Variants in CMC1 observed in about 807,000 individuals in gnomAD.
The protein encoded by CMC1 is C-X9-C motif containing 1, also known as COX assembly mitochondrial protein homolog.
Under a neutral mutation model 14.1 loss-of-function variants are expected in CMC1, and 14 were observed. The ratio of observed to expected loss-of-function variants is 0.99; its 90% CI spans 0.66 to 1.55. CMC1 has a LOEUF of 1.55. Among genes scored for constraint, CMC1 ranks in the 40% most tolerant of loss-of-function variants. CMC1 has a pLI of 0.00. For synonymous variants in CMC1, 50 were observed against 38.4 expected (o/e 1.30, Z -1.12); for missense variants, 127 against 123.8 (o/e 1.03, Z -0.12).
At chr3:28,284,534 C>G (rs1442726567) in intron 2 of CMC1, among the ~76,000 whole-genome samples, 2 of 152,100 alleles carry the variant, frequency 1.3e-5, no homozygotes, top group Admixed American at 6.5e-5. Context: ...CCAAAGCTTT[C>G]AAGGTGATTT....
intron 2 of CMC1, among the ~76,000 whole-genome samples, chr3:28,295,528 A>T (rs937212653): frequency 2.0e-5 from 3 of 152,018 alleles, no homozygotes; most frequent in Non-Finnish European, 4.4e-5. Flanking sequence ...TGAAAATGTA[A>T]CCTACTAGGT....
intron 2 of CMC1, among the ~76,000 whole-genome samples, chr3:28,282,747 G>T (rs1700964147): frequency 6.6e-6 from 1 of 151,984 alleles, no homozygotes; most frequent in Non-Finnish European, 1.5e-5. Context: ...ATGCATCCAC[G>T]AATGATCTGT....
At chr3:28,307,099 A>G (rs1305724359) in intron 2 of CMC1, among the ~76,000 whole-genome samples, 5 of 152,190 alleles carry the variant, frequency 3.3e-5, no homozygotes, top group African/African-American at 7.2e-5. Context: ...TGTCTTTAGC[A>G]TTTGGATCAA....
At chr3:28,275,610 C>T (rs980589336) in intron 2 of CMC1, among the ~76,000 whole-genome samples, 1 of 152,044 alleles carries the variant, frequency 6.6e-6, no homozygotes, top group African/African-American at 2.4e-5. Flanking sequence ...GATCAGGGAC[C>T]CATTTAACAA....
intron 1 of CMC1, among the ~76,000 whole-genome samples, chr3:28,247,814 A>G (rs138156936): frequency 2.2e-3 from 338 of 152,270 alleles, no homozygotes; most frequent in Middle Eastern, 3.4e-3. Context: ...AAGTTTGAAT[A>G]ACACTGGCTT....
At chr3:28,314,908 A>G (rs1240654083) in intron 2 of CMC1, 2 of 152,226 alleles carry the variant, frequency 1.3e-5, no homozygotes, top group African/African-American at 2.4e-5. Context: ...TATAATCCCA[A>G]GTACCTGGAA....
intron 2 of CMC1, among the ~76,000 whole-genome samples, chr3:28,305,427 C>T (rs1002628224): frequency 6.6e-6 from 1 of 152,098 alleles, no homozygotes; most frequent in Non-Finnish European, 1.5e-5. Flanking sequence ...ATTTCTTTTC[C>T]TTTGGGCAGC....
At chr3:28,283,640 T>G (rs1421948906) in intron 2 of CMC1, among the ~76,000 whole-genome samples, 2 of 152,184 alleles carry the variant, frequency 1.3e-5, no homozygotes, top group African/African-American at 4.8e-5. Flanking sequence ...TTAAGCCTAT[T>G]GGGTCCTTGA....
At chr3:28,249,811 A>AT (rs35965103) in intron 1 of CMC1, among the ~76,000 whole-genome samples, 10 of 151,964 alleles carry the variant, frequency 6.6e-5, no homozygotes, top group South Asian at 2.1e-4. Context: ...ATGTACATTA[A>AT]TTTTTTTTAC....
At chr3:28,263,402 A>G (rs766783807) in intron 2 of CMC1, 22 bp downstream of exon 2, 38 of 1,438,710 alleles carry the variant, frequency 2.6e-5, no homozygotes, top group Non-Finnish European at 3.5e-5. Context: ...ATATTCATGT[A>G]AAGATCAAAT....
At chr3:28,282,446 A>G (rs983403414) in intron 2 of CMC1, among the ~76,000 whole-genome samples, 3 of 152,240 alleles carry the variant, frequency 2.0e-5, no homozygotes, top group African/African-American at 7.2e-5. Flanking sequence ...CCTACGCATT[A>G]TTCCTTACCT....
intron 2 of CMC1, among the ~76,000 whole-genome samples, chr3:28,274,233 T>TTTTTTTTTTTG: frequency 6.7e-6 from 1 of 148,306 alleles, no homozygotes; most frequent in Non-Finnish European, 1.5e-5. Flanking sequence ...TTTTTTTTTT[T>TTTTTTTTTTTG]TTGCAGTGGC....
chr3:28,305,779 A>ATTTT lies in CMC1; in HGVS notation c.110-10526_110-10523dup, dbSNP rs71087685. ...GTGTCCAGAAGAGTTTTTCATAGGA[A>ATTTT]TTTTTTTTTTTTTTTTTTTTTTTTT... On this transcript the variant is annotated intron_variant, in intron 2 of 3. Coordinates refer to ENST00000466830, the MANE Select transcript of CMC1 (RefSeq NM_182523.2). Among the ~76,000 whole-genome samples, 138 of 43,578 alleles carry ATTTT rather than the reference A, an allele frequency of 3.2e-3. 5 individuals carry two copies. The highest frequency in any genetic ancestry group is 0.012 in the African/African-American group (107 of 9,004). The allele number at this position is 43,578 out of a possible 152,430, so 28.6% of individuals were successfully genotyped here.
intron 1 of CMC1, among the ~76,000 whole-genome samples, chr3:28,246,886 CA>C (rs1012935038): frequency 2.7e-5 from 4 of 149,880 alleles, no homozygotes; most frequent in Non-Finnish European, 5.9e-5. Context: ...ACTCCCTTCA[CA>C]TTTACTAGAT....
chr3:28,293,700 G>T (rs139427435), intron 2 of CMC1, among the ~76,000 whole-genome samples: 12 of 151,994 alleles, frequency 7.9e-5, no homozygotes, highest in African/African-American at 2.7e-4. Context: ...TTCTGCCTCA[G>T]CCTCCTAAGT....
intron 2 of CMC1, among the ~76,000 whole-genome samples, chr3:28,306,726 C>A (rs1253716401): frequency 3.3e-5 from 5 of 150,974 alleles, no homozygotes; most frequent in African/African-American, 1.2e-4. Context: ...CTCACTGCAA[C>A]CTCAGCCTCC....
At chr3:28,253,857 C>CA in intron 1 of CMC1, 1 of 534,334 alleles carries the variant, frequency 1.9e-6, no homozygotes, top group Non-Finnish European at 3.2e-6. Flanking sequence ...ATTGAAAGGG[C>CA]ATAACTTGCC....
chr3:28,309,941 C>CCACACACACA (rs57007112), intron 2 of CMC1, among the ~76,000 whole-genome samples: 26 of 132,572 alleles, frequency 2.0e-4, no homozygotes, highest in South Asian at 5.4e-4. Flanking sequence ...CTGACGTCCA[C>CCACACACACA]CACACACACA....
At chr3:28,256,290 T>C (rs868468066) in intron 1 of CMC1, among the ~76,000 whole-genome samples, 29 of 152,048 alleles carry the variant, frequency 1.9e-4, no homozygotes, top group Non-Finnish European at 1.5e-5. Context: ...AAATCTGAAA[T>C]GCACAGGGCA....
Sources: gnomAD v4.1 joint callset for allele counts (sites outside exome capture counted in the v4.1 genomes callset) on GRCh38, gnomAD v4.1.1 for gene constraint, MANE v1.5 for transcripts, NCBI Gene and HGNC (gene_info 2026-07-23, HGNC 2026-07-21) for gene names.